DPYSL3: variants seen among roughly 807,000 people sequenced by gnomAD.
DPYSL3 encodes the protein dihydropyrimidinase like 3, also known as dihydropyrimidinase-related protein 3.
DPYSL3 carries 16 observed loss-of-function variants against 66.1 expected under a neutral mutation model. The ratio of observed to expected loss-of-function variants is 0.24; its 90% confidence interval spans 0.16 to 0.37. The LOEUF (loss-of-function observed/expected upper bound fraction) is 0.37, where lower values mean the gene tolerates loss of function less well. DPYSL3 is among the 10% of genes least tolerant of loss of function. The pLI is 1.00. For missense variants in DPYSL3, 738 were observed against 916.2 expected (o/e 0.81, Z 2.51); for synonymous variants, 338 against 345.1 (o/e 0.98, Z 0.23).
At chr5:147,464,069 C>A (rs1230394931) in intron 1 of DPYSL3, among the ~76,000 whole-genome samples, 1 of 152,092 alleles carries the variant, frequency 6.6e-6, no homozygotes, top group Non-Finnish European at 1.5e-5. Flanking sequence ...ACCACAGGAT[C>A]CACAGTTATA....
chr5:147,453,369 T>A (rs1319409651), intron 1 of DPYSL3, among the ~76,000 whole-genome samples: 1 of 152,034 alleles, frequency 6.6e-6, no homozygotes, highest in African/African-American at 2.4e-5. Context: ...AACCCCAGGG[T>A]CGCTCAGTCT....
At chr5:147,401,506 C>T in intron 9 of DPYSL3, 34 bp downstream of exon 9, 1 of 1,582,002 alleles carries the variant, frequency 6.3e-7, no homozygotes, top group Non-Finnish European at 8.6e-7. Flanking sequence ...GATGTTTTCA[C>T]AAAACGCCTG....
intron 1 of DPYSL3, among the ~76,000 whole-genome samples, chr5:147,505,395 C>T (rs1753673429): frequency 6.6e-6 from 1 of 152,076 alleles, no homozygotes. Flanking sequence ...CCACCACGCC[C>T]AGCTAATCTC....
intron 3 of DPYSL3, among the ~76,000 whole-genome samples, chr5:147,417,563 G>A (rs1266238658): frequency 1.3e-5 from 2 of 152,124 alleles, no homozygotes; most frequent in Admixed American, 1.3e-4. Flanking sequence ...GTGTTCTCAG[G>A]GGATGTATAT....
Position 147,509,962 on chromosome 5 carries a change from G to T in DPYSL3, c.-104C>A, listed in dbSNP as rs1426276710. The T allele has an allele frequency of 2.8e-6, 4 of 1,424,690 alleles. No individual in the cohort carries two copies. Among genetic ancestry groups the T allele is most frequent in the African/African-American group, 2.9e-5 (2 of 69,146 alleles). The allele number at this position is 1,424,690 out of a possible 1,614,324, so 88.3% of individuals were successfully genotyped here. ...CACAGTGACTGTGGCGGGAGGAGGC[G>T]CCTGAGCCTTCGCGCCAGAGGCGGC... On this transcript the variant is annotated 5_prime_UTR_variant, in exon 1 of 14. Coordinates refer to ENST00000343218, the MANE Select transcript of DPYSL3 (RefSeq NM_001197294.2). This position sits in a 1 kb window ranked among gnomAD's most constrained non-coding sequence, Gnocchi z 5.3.
chr5:147,401,512 G>T (rs370077721), intron 9 of DPYSL3, 28 bp downstream of exon 9: 5 of 1,589,468 alleles, frequency 3.1e-6, no homozygotes, highest in Middle Eastern at 3.4e-4. Flanking sequence ...TTCACAAAAC[G>T]CCTGCTGCTG....
At chr5:147,428,615 A>G (rs1195720449) in intron 1 of DPYSL3, among the ~76,000 whole-genome samples, 1 of 152,182 alleles carries the variant, frequency 6.6e-6, no homozygotes, top group Admixed American at 6.5e-5. Context: ...CTAAGATCAA[A>G]AGCCAACAAA....
intron 1 of DPYSL3, among the ~76,000 whole-genome samples, chr5:147,474,705 A>G (rs1426541568): frequency 6.6e-6 from 1 of 152,120 alleles, no homozygotes; most frequent in African/African-American, 2.4e-5. Context: ...TAAATTAGAA[A>G]TTTGGTGAAT....
chr5:147,403,831 A>G (rs1365704800), intron 8 of DPYSL3, among the ~76,000 whole-genome samples: 1 of 152,198 alleles, frequency 6.6e-6, no homozygotes, highest in Non-Finnish European at 1.5e-5. Context: ...CATCCCTGAA[A>G]TAATACCCCC....
In DPYSL3 at chr5:147,441,937, A is replaced by T. The variant is rs75698528; in HGVS notation, c.382-16974T>A. On this transcript the variant is annotated intron_variant, in intron 1 of 13. Coordinates refer to ENST00000343218, the MANE Select transcript of DPYSL3 (RefSeq NM_001197294.2). The stretch of plus-strand genomic sequence containing the variant: ...AGGATGAAGTCCCTAGAAGCAGATT[A>T]TATTCAATTGCCTTAAAACCCTCTA... Among the ~76,000 whole-genome samples, 18 of 152,348 alleles carry T rather than the reference A, an allele frequency of 1.2e-4. No individual in the cohort carries two copies. The East Asian group carries it at 2.5e-3, about 21-fold the overall frequency.
At chr5:147,441,024 C>CAT (rs1331904036) in intron 1 of DPYSL3, among the ~76,000 whole-genome samples, 2 of 152,144 alleles carry the variant, frequency 1.3e-5, no homozygotes, top group Non-Finnish European at 2.9e-5. Flanking sequence ...AATGAAATGC[C>CAT]ATATACACAA....
rs1751861790 is a variant in DPYSL3 at position 147,411,923 on chromosome 5, T to G, written c.963+685A>C. On this transcript the variant is annotated intron_variant, in intron 6 of 13. Transcript: ENST00000343218. ...CAAATGGATGAAGAAAGCTCACTCT[T>G]TTTTTTTCGGGCTGTCTCCTCCTAG... is the stretch of plus-strand genomic sequence containing the variant. Among the ~76,000 whole-genome samples, 3 of 152,138 alleles carry G rather than the reference T, an allele frequency of 2.0e-5. 1 individual carries two copies. The South Asian group carries it at 6.2e-4, about 32-fold the overall frequency.
At chr5:147,441,839 G>A (rs138426109) in intron 1 of DPYSL3, among the ~76,000 whole-genome samples, 155 of 152,212 alleles carry the variant, frequency 1.0e-3, no homozygotes, top group African/African-American at 3.5e-3. Context: ...AGGGTTCTGA[G>A]ATAGAGCATG....
chr5:147,444,577 T>A (rs545721487), intron 1 of DPYSL3, among the ~76,000 whole-genome samples: 1 of 152,324 alleles, frequency 6.6e-6, no homozygotes, highest in South Asian at 2.1e-4. Context: ...ATGAATATAC[T>A]TTGATTCTCC....
Position 147,402,943 on chromosome 5 carries a change from A to G in DPYSL3, c.1154-1247T>C, listed in dbSNP as rs200624895. Among the ~76,000 whole-genome samples, 7 of 152,200 alleles carry G rather than the reference A, an allele frequency of 4.6e-5. No individual in the cohort carries two copies. In the East Asian group the frequency reaches 1.3e-3, roughly 29 times the overall value. On this transcript the variant is annotated intron_variant, in intron 8 of 13. Coordinates refer to ENST00000343218, the MANE Select transcript of DPYSL3 (RefSeq NM_001197294.2). Reference sequence around the variant, plus strand: ...CAAAATCTGGGGCCAAAGCTACCCTATACAGCCCTGCACTTCTTTAACTTT... The same window carrying G: ...CAAAATCTGGGGCCAAAGCTACCCTGTACAGCCCTGCACTTCTTTAACTTT...
intron 1 of DPYSL3, among the ~76,000 whole-genome samples, chr5:147,494,500 G>C (rs1753467415): frequency 6.6e-6 from 1 of 151,932 alleles, no homozygotes; most frequent in South Asian, 2.1e-4. Context: ...AAGAAAAAAA[G>C]AGAAAAGATA....
chr5:147,403,717 C>A (rs1034040566), intron 8 of DPYSL3, among the ~76,000 whole-genome samples: 4 of 152,284 alleles, frequency 2.6e-5, no homozygotes, highest in African/African-American at 9.6e-5. Flanking sequence ...GAGGGAAGTG[C>A]AAACCCTGCT....
chr5:147,480,702 TATA>T (rs1259308550), intron 1 of DPYSL3, among the ~76,000 whole-genome samples: 1 of 111,036 alleles, frequency 9.0e-6, no homozygotes, highest in Non-Finnish European at 1.9e-5. Context: ...TGAATATATA[TATA>T]TTATTATTAT....
intron 4 of DPYSL3, 143 bp from the exon 5 acceptor site, chr5:147,413,800 T>C: frequency 1.5e-6 from 1 of 686,080 alleles, no homozygotes. Context: ...ATATTTATAT[T>C]CTTCAAGAGC....
Sources: gnomAD v4.1 joint callset for allele counts (sites outside exome capture counted in the v4.1 genomes callset) on GRCh38, gnomAD v4.1.1 for gene constraint, Gnocchi (gnomAD v3.1) non-coding constraint, MANE v1.5 for transcripts, NCBI Gene and HGNC (gene_info 2026-07-23, HGNC 2026-07-21) for gene names.